The following UBAP2 variants were observed in gnomAD, a reference collection of about 807,000 sequenced individuals.
The protein encoded by UBAP2 is ubiquitin-associated protein 2.
In UBAP2, 75 loss-of-function variants were observed where a neutral mutation model predicts 139.6. The ratio of observed to expected loss-of-function variants is 0.54; its 90% CI spans 0.45 to 0.65. UBAP2 has a LOEUF of 0.65. Among genes scored for constraint, UBAP2 ranks in the 30% least tolerant of loss-of-function variants. The pLI is 0.00. For synonymous variants in UBAP2, 526 were observed against 526.2 expected (o/e 1.00, Z 0.01); for missense variants, 1,368 against 1,369.6 (o/e 1.00, Z 0.02).
intron 1 of UBAP2, among the ~76,000 whole-genome samples, chr9:34,036,205 C>T (rs1018533117): frequency 7.9e-5 from 12 of 151,618 alleles, no homozygotes; most frequent in African/African-American, 2.9e-4. Context: ...ACCTCCGCCT[C>T]CCAGGTTCAA....
intron 1 of UBAP2, among the ~76,000 whole-genome samples, chr9:34,022,450 TTTTTTAA>T (rs1206122611): frequency 6.7e-6 from 1 of 150,262 alleles, no homozygotes; most frequent in East Asian, 2.0e-4. Context: ...TTTTTTTTTT[TTTTTTAA>T]GACACAGTCT....
At chr9:34,029,284 T>C (rs1299577373) in intron 1 of UBAP2, among the ~76,000 whole-genome samples, 1 of 152,120 alleles carries the variant, frequency 6.6e-6, no homozygotes, top group Non-Finnish European at 1.5e-5. Context: ...TCCAGCACTT[T>C]GGGAGGCTGA....
intron 6 of UBAP2, among the ~76,000 whole-genome samples, chr9:33,980,240 TTTTTTTTTTTGAGACG>T: frequency 9.3e-6 from 1 of 107,774 alleles, no homozygotes; most frequent in African/African-American, 3.4e-5. Context: ...TTTTTTTTTT[TTTTTTTTTTTGAGACG>T]GAGTCTTGCT....
At chr9:33,983,814 A>G (rs1820972562) in intron 6 of UBAP2, among the ~76,000 whole-genome samples, 1 of 152,184 alleles carries the variant, frequency 6.6e-6, no homozygotes, top group Non-Finnish European at 1.5e-5. Flanking sequence ...AAAAAATACT[A>G]AGCAGTTTCA....
At chr9:33,926,443 A>G (rs1823436616) in intron 22 of UBAP2, among the ~76,000 whole-genome samples, 174 bp downstream of exon 22, 1 of 152,170 alleles carries the variant, frequency 6.6e-6, no homozygotes, top group Non-Finnish European at 1.5e-5. Context: ...TGCTAAAGCT[A>G]TGGTCACGCC....
At chr9:34,037,368 C>T (rs1435554652) in intron 1 of UBAP2, among the ~76,000 whole-genome samples, 1 of 152,144 alleles carries the variant, frequency 6.6e-6, no homozygotes, top group East Asian at 1.9e-4. Context: ...CACCTGACCT[C>T]AAGTGATCCA....
At chr9:33,971,824 A>G in intron 7 of UBAP2, 70 bp from the exon 8 acceptor site, 1 of 893,646 alleles carries the variant, frequency 1.1e-6, no homozygotes, top group Non-Finnish European at 1.9e-6. Context: ...TTAACCATAC[A>G]TGATCTTCCA....
intron 1 of UBAP2, among the ~76,000 whole-genome samples, chr9:34,043,544 G>A (rs1389529814): frequency 1.3e-5 from 2 of 151,830 alleles, no homozygotes; most frequent in African/African-American, 4.8e-5. Flanking sequence ...GTCTCACTCT[G>A]TCACCCAAGC....
chr9:34,015,493 T>C (rs1248366677), intron 2 of UBAP2, among the ~76,000 whole-genome samples: 1 of 9,130 alleles, frequency 1.1e-4, no homozygotes, highest in Non-Finnish European at 1.1e-3. Context: ...CTAATTTTCG[T>C]ATTTTTTTTT....
chr9:34,041,175 G>A (rs1011865137), intron 1 of UBAP2, among the ~76,000 whole-genome samples: 12 of 151,980 alleles, frequency 7.9e-5, no homozygotes, highest in African/African-American at 2.2e-4. Context: ...TCAACGGGCC[G>A]GGCACGATGG....
At chr9:33,984,158 CCTCCCAAAGTG>C (rs1259716603) in intron 6 of UBAP2, among the ~76,000 whole-genome samples, 1 of 151,508 alleles carries the variant, frequency 6.6e-6, no homozygotes, top group Non-Finnish European at 1.5e-5. Flanking sequence ...CCCACCTTGG[CCTCCCAAAGTG>C]CTGGGATTAC....
chr9:34,034,603 A>G (rs1238134722), intron 1 of UBAP2, among the ~76,000 whole-genome samples: 1 of 152,320 alleles, frequency 6.6e-6, no homozygotes, highest in East Asian at 1.9e-4. Context: ...GGCTGGGCAC[A>G]GTGGCTCACG....
chr9:33,996,485 A>AT (rs1822213536), intron 3 of UBAP2, 152 bp from the exon 4 acceptor site: 6 of 570,728 alleles, frequency 1.1e-5, no homozygotes, highest in Admixed American at 3.3e-5. Context: ...ATGTTTACTT[A>AT]TTTTTTTGTG....
intron 4 of UBAP2, 133 bp from the exon 5 acceptor site, chr9:33,989,259 T>TGAGGAGATCTC: frequency 2.9e-6 from 3 of 1,026,648 alleles, no homozygotes; most frequent in Non-Finnish European, 3.9e-6. Flanking sequence ...CTGGAGTGCA[T>TGAGGAGATCTC]GGCGCCCTCT....
chr9:33,948,818 G>C, intron 12 of UBAP2: 2 of 447,516 alleles, frequency 4.5e-6, no homozygotes, highest in South Asian at 7.9e-5. Context: ...AAAGGGAAGG[G>C]AAATATTTGC....
At chr9:34,006,869 C>A (rs1343224597) in intron 2 of UBAP2, among the ~76,000 whole-genome samples, 1 of 152,138 alleles carries the variant, frequency 6.6e-6, no homozygotes, top group African/African-American at 2.4e-5. Flanking sequence ...ACTAGAGAAA[C>A]TGACTTAAGT....
intron 16 of UBAP2, among the ~76,000 whole-genome samples, chr9:33,940,004 G>A (rs1188458838): frequency 6.8e-5 from 9 of 132,864 alleles, no homozygotes; most frequent in African/African-American, 2.3e-4. Flanking sequence ...GAGGAGGAGG[G>A]GAAAGAGGAG....
At chr9:34,032,766 A>G (rs1192513276) in intron 1 of UBAP2, among the ~76,000 whole-genome samples, 1 of 152,086 alleles carries the variant, frequency 6.6e-6, no homozygotes, top group African/African-American at 2.4e-5. Context: ...TTTACAAACA[A>G]TACAAAAATT....
At chr9:34,006,543 G>A (rs1823234665) in intron 2 of UBAP2, among the ~76,000 whole-genome samples, 1 of 152,084 alleles carries the variant, frequency 6.6e-6, no homozygotes. Context: ...CAGTGTGGTG[G>A]CATGCACCTG....
Sources: allele counts gnomAD v4.1 joint callset (sites outside exome capture counted in the v4.1 genomes callset), GRCh38; gene constraint gnomAD v4.1.1; transcripts MANE v1.5; gene names NCBI Gene and HGNC (gene_info 2026-07-23, HGNC 2026-07-21).